FSTL5: variants seen among roughly 807,000 people sequenced by gnomAD.
FSTL5 encodes the protein follistatin-related protein 5.
In FSTL5, 62 loss-of-function variants were observed where a neutral mutation model predicts 89.1. The observed-to-expected ratio is 0.70, with a 90% CI of 0.57 to 0.86. FSTL5 has a LOEUF of 0.86. Among genes scored for constraint, FSTL5 ranks in the 40% least tolerant of loss-of-function variants. FSTL5 has a pLI of 0.00. For synonymous variants in FSTL5, 383 were observed against 346.2 expected (o/e 1.11, Z -1.18); for missense variants, 1,057 against 1,001.6 (o/e 1.06, Z -0.75).
Position 161,860,669 on chromosome 4 carries a change from T to G in FSTL5, c.409+59735A>C, listed in dbSNP as rs553697030. Among the ~76,000 whole-genome samples, 7 of 152,312 alleles carry G rather than the reference T, an allele frequency of 4.6e-5. No homozygotes were observed. In the South Asian group the frequency reaches 1.2e-3, roughly 27 times the overall value. On this transcript the variant is annotated intron_variant, in intron 4 of 15. Transcript: ENST00000306100. ...TAACCATTTCCCTAGTTTTTTACAT[T>G]TATATTCTATTTGGTGATTCTCTGA...
At chr4:161,969,939 G>T (rs1421340430) in intron 3 of FSTL5, among the ~76,000 whole-genome samples, 1 of 152,214 alleles carries the variant, frequency 6.6e-6, no homozygotes, top group East Asian at 1.9e-4. Flanking sequence ...TAGTATTACT[G>T]TGTGTGGGAT....
chr4:161,564,685 T>C (rs1455655522), intron 8 of FSTL5, among the ~76,000 whole-genome samples: 1 of 151,626 alleles, frequency 6.6e-6, no homozygotes, highest in Non-Finnish European at 1.5e-5. Flanking sequence ...ATTTTTATTA[T>C]TTATAAACTT....
In FSTL5 at chr4:161,763,499, T is replaced by C. The variant is rs180850236; in HGVS notation, c.607-3968A>G. 2.0e-5 allele frequency among the ~76,000 whole-genome samples: 3 copies of C among 152,244 alleles called. No individual in the cohort carries two copies. In the East Asian group the frequency reaches 5.8e-4, roughly 29 times the overall value. On this transcript the variant is annotated intron_variant, in intron 5 of 15. Transcript: ENST00000306100. ...ATACAAGACATGGGATTGATTTTGATAATGTGAAGGCAAGTCATGGCTATG... is the reference window on the plus strand; with the variant it reads ...ATACAAGACATGGGATTGATTTTGACAATGTGAAGGCAAGTCATGGCTATG...
intron 4 of FSTL5, among the ~76,000 whole-genome samples, chr4:161,790,240 A>C (rs180940848): frequency 1.4e-4 from 21 of 152,340 alleles, no homozygotes; most frequent in Admixed American, 5.2e-4. Flanking sequence ...ATTGCCATGC[A>C]CTTCTAACAT....
chr4:161,862,310 T>C (rs917323492), intron 4 of FSTL5, among the ~76,000 whole-genome samples: 2 of 152,154 alleles, frequency 1.3e-5, no homozygotes, highest in Non-Finnish European at 2.9e-5. Context: ...ATATACAAGA[T>C]TCAGCTGCTT....
At chr4:161,814,356 A>C (rs929609574) in intron 4 of FSTL5, among the ~76,000 whole-genome samples, 2 of 152,158 alleles carry the variant, frequency 1.3e-5, no homozygotes, top group African/African-American at 4.8e-5. Flanking sequence ...CAATTCATGG[A>C]ACAAATACAG....
rs190841811 is a variant in FSTL5 at position 162,096,207 on chromosome 4, T to A, written c.126+15064A>T. ...CCTCAATTTTTAAATATATATTTCTTTGTTGCAAGTCTTCATCCTTCAAAG... is the reference window on the plus strand; with the variant it reads ...CCTCAATTTTTAAATATATATTTCTATGTTGCAAGTCTTCATCCTTCAAAG... On this transcript the variant is annotated intron_variant, in intron 2 of 15. Coordinates refer to ENST00000306100, the MANE Select transcript of FSTL5 (RefSeq NM_020116.5). Among the ~76,000 whole-genome samples the A allele has an allele frequency of 4.6e-5, 7 of 151,986 alleles. No individual in the cohort carries two copies. The East Asian group carries it at 1.4e-3, about 29-fold the overall frequency.
At chr4:161,865,157 G>C (rs564351511) in intron 4 of FSTL5, among the ~76,000 whole-genome samples, 2 of 152,004 alleles carry the variant, frequency 1.3e-5, no homozygotes, top group East Asian at 3.9e-4. Flanking sequence ...TATGTATCAA[G>C]TGAAAAGAGA....
chr4:161,511,466 G>A (rs1176430675), intron 10 of FSTL5, among the ~76,000 whole-genome samples: 1 of 152,072 alleles, frequency 6.6e-6, no homozygotes, highest in Admixed American at 6.6e-5. Context: ...GTGCATTCCT[G>A]CAGCACATTT....
At chr4:161,694,012 T>C (rs1211585588) in intron 6 of FSTL5, among the ~76,000 whole-genome samples, 1 of 152,134 alleles carries the variant, frequency 6.6e-6, no homozygotes, top group Non-Finnish European at 1.5e-5. Context: ...GTTATTTGCT[T>C]CTTTCTTTTC....
chr4:162,062,562 T>C (rs1738755057), intron 2 of FSTL5, among the ~76,000 whole-genome samples: 1 of 151,766 alleles, frequency 6.6e-6, no homozygotes. Flanking sequence ...AGGCCTGACA[T>C]TTCCCATCCT....
intron 8 of FSTL5, among the ~76,000 whole-genome samples, chr4:161,543,033 A>G (rs1010917365): frequency 1.3e-5 from 2 of 152,000 alleles, no homozygotes; most frequent in Non-Finnish European, 2.9e-5. Context: ...CAATTTGAGC[A>G]CTGAAATAAT....
chr4:161,500,558 T>C (rs915889665), intron 11 of FSTL5, among the ~76,000 whole-genome samples: 1 of 152,088 alleles, frequency 6.6e-6, no homozygotes, highest in Non-Finnish European at 1.5e-5. Flanking sequence ...TTGCAGGAGT[T>C]TGGTTTATAT....
Position 161,538,320 on chromosome 4 carries a change from G to T in FSTL5, c.1178-20C>A, listed in dbSNP as rs1381632315. The stretch of plus-strand genomic sequence containing the variant: ...CATTTGCTGAAAAAAGAAGGGAAAT[G>T]CAACTTGTAAACTACAATTTCAGTT... On this transcript the variant is annotated intron_variant, in intron 9 of 15. Transcript: ENST00000306100. The T allele has an allele frequency of 1.9e-6, 3 of 1,612,966 alleles. No homozygotes were observed. In the East Asian group the frequency reaches 6.7e-5, roughly 36 times the overall value.
intron 6 of FSTL5, among the ~76,000 whole-genome samples, chr4:161,721,308 ATT>A (rs368706598): frequency 5.1e-4 from 71 of 137,898 alleles, no homozygotes; most frequent in East Asian, 1.1e-3. Flanking sequence ...AAAAAAAAAA[ATT>A]TTTCTAAGAA....
chr4:161,530,383 A>G lies in FSTL5; in HGVS notation c.1312+7783T>C, dbSNP rs188799894. On this transcript the variant is annotated intron_variant, in intron 10 of 15. Transcript: ENST00000306100. ...TCATTTTGATAATAATTATTAACTT[A>G]CATAAATAGTATATGTTTATATAAT... Among the ~76,000 whole-genome samples, 345 of 142,460 alleles carry G rather than the reference A, an allele frequency of 2.4e-3. 37 individuals are homozygous for G. Among genetic ancestry groups the G allele is most frequent in the Middle Eastern group, 5.2e-3 (1 of 194 alleles). The allele number at this position is 142,460 out of a possible 152,430, so 93.5% of individuals were successfully genotyped here.
At chr4:162,088,761 C>T (rs1335571697) in intron 2 of FSTL5, among the ~76,000 whole-genome samples, 2 of 152,048 alleles carry the variant, frequency 1.3e-5, no homozygotes, top group African/African-American at 4.8e-5. Context: ...TTGTCTTATG[C>T]TTTCTCCAGA....
intron 3 of FSTL5, among the ~76,000 whole-genome samples, chr4:162,013,864 T>C (rs1367802756): frequency 1.3e-5 from 2 of 151,838 alleles, no homozygotes; most frequent in African/African-American, 4.8e-5. Flanking sequence ...ATTAAAAAAA[T>C]ATGCCTACAA....
In FSTL5 at chr4:161,835,460, A is replaced by C. The variant is rs374914517; in HGVS notation, c.410-59386T>G. Among the ~76,000 whole-genome samples the C allele has an allele frequency of 1.0e-3, 155 of 152,198 alleles. 2 individuals are homozygous for C. The highest frequency in any genetic ancestry group is 3.6e-3 in the African/African-American group (150 of 41,526). ...AAGCCAAAATTGACAAATGGGATCT[A>C]ATTAAACTAAAGAGCTTCTGCACAG... On this transcript the variant is annotated intron_variant, in intron 4 of 15. Coordinates refer to ENST00000306100, the MANE Select transcript of FSTL5 (RefSeq NM_020116.5).
Sources: allele counts gnomAD v4.1 joint callset (sites outside exome capture counted in the v4.1 genomes callset), GRCh38; gene constraint gnomAD v4.1.1; transcripts MANE v1.5; gene names NCBI Gene and HGNC (gene_info 2026-07-23, HGNC 2026-07-21).